ADGRB1: variants seen among roughly 807,000 people sequenced by gnomAD.
ADGRB1 encodes adhesion G protein-coupled receptor B1.
A neutral mutation model predicts 175.7 loss-of-function variants in ADGRB1; 36 were observed. The ratio of observed to expected loss-of-function variants is 0.20; its 90% CI spans 0.16 to 0.27. ADGRB1 has a LOEUF of 0.27. Among genes scored for constraint, ADGRB1 ranks in the 10% least tolerant of loss-of-function variants. The pLI is 1.00. For missense variants in ADGRB1, 1,731 were observed against 2,255.3 expected, an observed-to-expected ratio of 0.77 and a Z score of 4.71; for synonymous variants, 1,054 against 979.4, an observed-to-expected ratio of 1.08 and a Z score of -1.42.
chr8:142,532,106 C>G (rs759347067), intron 24 of ADGRB1, among the ~76,000 whole-genome samples: 69 of 152,282 alleles, frequency 4.5e-4, no homozygotes, highest in Admixed American at 7.2e-4. Context: ...GCCCCCTACT[C>G]CCTATTCAGT....
At chr8:142,512,167 C>T (rs1398416753) in intron 18 of ADGRB1, among the ~76,000 whole-genome samples, 1 of 152,210 alleles carries the variant, frequency 6.6e-6, no homozygotes, top group African/African-American at 2.4e-5. Context: ...GACTGAGGCC[C>T]AGAGAGAGGG....
Position 142,494,253 on chromosome 8 carries a change from C to T in ADGRB1, c.2675+3438C>T, listed in dbSNP as rs145279760. ...ACACACTGAGTTCTGATCCTACTCA[C>T]TCACTGAGCCCTGATCCTGGTCATA... On this transcript the variant is annotated intron_variant, in intron 17 of 30. Transcript: ENST00000517894. Among the ~76,000 whole-genome samples, 276 of 152,288 alleles carry T rather than the reference C, an allele frequency of 1.8e-3. 3 individuals are homozygous for T. The highest frequency in any genetic ancestry group is 6.4e-3 in the African/African-American group (265 of 41,554).
intron 27 of ADGRB1, 47 bp from the exon 28 acceptor site, chr8:142,541,894 C>A: frequency 6.7e-7 from 1 of 1,497,054 alleles, no homozygotes; most frequent in South Asian, 1.3e-5. Flanking sequence ...CCTACGCCAT[C>A]CTCACCCCCA....
At chr8:142,512,974 G>A (rs1003431066) in intron 18 of ADGRB1, among the ~76,000 whole-genome samples, 1 of 152,072 alleles carries the variant, frequency 6.6e-6, no homozygotes, top group African/African-American at 2.4e-5. Flanking sequence ...GCAGCGGGGG[G>A]CGGGGGTGGA....
rs1460059283 is a variant in ADGRB1 at position 142,465,132 on chromosome 8, GTCT to G, written c.784+156_784+158del. 2.3e-5 allele frequency: 23 copies of G among 1,007,802 alleles called. No homozygotes were observed. The Admixed American group carries it at 5.8e-4, about 26-fold the overall frequency. 62.4% of individuals were successfully genotyped at this position (1,007,802 alleles called of 1,614,324 possible). On this transcript the variant is annotated intron_variant, in intron 2 of 30. Transcript: ENST00000517894. ...GGGTGGGTAGGGGAGGTGGACCGGG[GTCT>G]TCTTCCGCAGGGCTGCCCTGCTAGC...
chr8:142,452,059 C>G (rs890601521), intron 1 of ADGRB1, among the ~76,000 whole-genome samples: 6 of 152,330 alleles, frequency 3.9e-5, no homozygotes, highest in Admixed American at 2.6e-4. Context: ...GAGTCAGTCC[C>G]GCTCGCCTGC....
At chr8:142,485,718 A>G (rs1841636003) in intron 13 of ADGRB1, among the ~76,000 whole-genome samples, 1 of 152,200 alleles carries the variant, frequency 6.6e-6, no homozygotes, top group African/African-American at 2.4e-5. Context: ...GGCACAGCCC[A>G]CAGCCCCTGG....
rs1275296602 is a variant in ADGRB1, at chr8:142,511,226, G to T, written c.2817+153G>T. ...GCCGTGGCCTGGCCCGGCCGGCGGGGTCCATGCGCCTCTGGAGAGGGTGGG... is the reference window on the plus strand; with the variant it reads ...GCCGTGGCCTGGCCCGGCCGGCGGGTTCCATGCGCCTCTGGAGAGGGTGGG... On this transcript the variant is annotated intron_variant, in intron 18 of 30. Coordinates refer to ENST00000517894, the MANE Select transcript of ADGRB1 (RefSeq NM_001702.3). The surrounding 1 kb of genome is among the most constrained non-coding windows in gnomAD (Gnocchi z 4.5). 6.6e-6 allele frequency among the ~76,000 whole-genome samples: 1 copy of T among 151,832 alleles called. No individual in the cohort carries two copies. The highest frequency in any genetic ancestry group is 1.5e-5 in the Non-Finnish European group (1 of 67,892).
intron 1 of ADGRB1, among the ~76,000 whole-genome samples, chr8:142,456,581 C>T (rs904783928): frequency 2.6e-5 from 4 of 152,248 alleles, no homozygotes; most frequent in Non-Finnish European, 4.4e-5. Flanking sequence ...CACGCACACA[C>T]GCACACATAT....
intron 17 of ADGRB1, among the ~76,000 whole-genome samples, chr8:142,503,036 T>C (rs952035533): frequency 5.3e-5 from 8 of 151,734 alleles, no homozygotes; most frequent in African/African-American, 1.9e-4. Context: ...CTGGTTGTAT[T>C]GTAGATGGTG....
chr8:142,498,885 G>C (rs1001143089), intron 17 of ADGRB1, among the ~76,000 whole-genome samples: 1 of 152,208 alleles, frequency 6.6e-6, no homozygotes, highest in African/African-American at 2.4e-5. Context: ...GGAGGGGACA[G>C]GTGGGCATAA....
At chr8:142,452,629 G>C (rs1415950528) in intron 1 of ADGRB1, among the ~76,000 whole-genome samples, 1 of 152,238 alleles carries the variant, frequency 6.6e-6, no homozygotes, top group African/African-American at 2.4e-5. Context: ...CAGCGTGCTG[G>C]GTCTGCGGCG....
intron 17 of ADGRB1, among the ~76,000 whole-genome samples, chr8:142,499,863 C>T (rs1232746128): frequency 6.6e-6 from 1 of 152,182 alleles, no homozygotes; most frequent in African/African-American, 2.4e-5. Flanking sequence ...AAGAGCCAGA[C>T]AGGCCCAGAC....
In ADGRB1 at chr8:142,531,355, A is replaced by G. The variant is rs562071819; in HGVS notation, c.3399-1940A>G. On this transcript the variant is annotated intron_variant, in intron 24 of 30. Transcript: ENST00000517894. ...TGCCAAGTGCAGGGACACAGCAGTG[A>G]GTGACAGCCAGGGCCCTGTCCGCTG... 7.2e-5 allele frequency among the ~76,000 whole-genome samples: 11 copies of G among 152,300 alleles called. No homozygotes were observed. The South Asian group carries it at 1.7e-3, about 23-fold the overall frequency.
chr8:142,529,392 T>C (rs73374154), intron 24 of ADGRB1, among the ~76,000 whole-genome samples: 13,495 of 152,148 alleles, frequency 0.089, 951 homozygotes, highest in African/African-American at 0.2. Context: ...TTCAGGCTTT[T>C]AATTTCGCTT....
At chr8:142,521,940 C>CT in intron 20 of ADGRB1, 25 bp from the exon 21 acceptor site, 1 of 1,562,604 alleles carries the variant, frequency 6.4e-7, no homozygotes, top group Non-Finnish European at 8.6e-7. Context: ...CCTGCCCAGC[C>CT]TGCCCCGCCC....
In ADGRB1 at chr8:142,502,450, A is replaced by C. The variant is rs1358550740; in HGVS notation, c.2676-8482A>C. ...GGTGGTGGTGGTAGTGGTGGTGATG[A>C]TGGGGTGGTGCAGTCATCACTGTGG... is the stretch of plus-strand genomic sequence containing the variant. On this transcript the variant is annotated intron_variant, in intron 17 of 30. Transcript: ENST00000517894. Among the ~76,000 whole-genome samples the C allele has an allele frequency of 4.2e-5, 3 of 71,816 alleles. 1 individual carries two copies. Among genetic ancestry groups the C allele is most frequent in the African/African-American group, 1.8e-4 (3 of 16,892 alleles). The allele number at this position is 71,816 out of a possible 152,430, so 47.1% of individuals were successfully genotyped here.
At chr8:142,457,045 G>T (rs888208607) in intron 1 of ADGRB1, among the ~76,000 whole-genome samples, 10 of 152,246 alleles carry the variant, frequency 6.6e-5, no homozygotes, top group African/African-American at 2.4e-4. Context: ...TCAGCACGGG[G>T]AGCATCTTTA....
chr8:142,489,229 TGGAGGGTGGC>T, intron 15 of ADGRB1, 97 bp from the exon 16 acceptor site: 1 of 1,548,568 alleles, frequency 6.5e-7, no homozygotes, highest in Admixed American at 1.7e-5. Context: ...TGATGGGCTG[TGGAGGGTGGC>T]GGCGGGTACA....
Sources: allele counts gnomAD v4.1 joint callset (sites outside exome capture counted in the v4.1 genomes callset), GRCh38; gene constraint gnomAD v4.1.1; non-coding constraint Gnocchi (gnomAD v3.1); transcripts MANE v1.5; gene names NCBI Gene and HGNC (gene_info 2026-07-23, HGNC 2026-07-21).